Variants in ATP8A2 observed in about 807,000 individuals in gnomAD.
ATP8A2 encodes phospholipid-transporting ATPase IB.
Under a neutral mutation model 165.6 loss-of-function variants are expected in ATP8A2, and 100 were observed. The ratio of observed to expected loss-of-function variants is 0.60; its 90% confidence interval spans 0.51 to 0.71. ATP8A2 has a LOEUF of 0.71. Ranked by LOEUF, ATP8A2 falls within the 30% of genes least tolerant of loss-of-function variation. The probability of loss-of-function intolerance (pLI) is 0.00; values close to 1 mark genes in which losing one functional copy is unlikely to be tolerated. For synonymous variants in ATP8A2, 543 were observed against 548.8 expected (o/e 0.99, Z 0.15); for missense variants, 1,227 against 1,479.5 (o/e 0.83, Z 2.80).
intron 25 of ATP8A2, among the ~76,000 whole-genome samples, chr13:25,717,484 G>T (rs1055162917): frequency 2.0e-5 from 3 of 148,128 alleles, no homozygotes; most frequent in Non-Finnish European, 4.4e-5. Context: ...CAAAACCAAA[G>T]CTTAGGGGAG....
intron 2 of ATP8A2, among the ~76,000 whole-genome samples, chr13:25,500,445 G>A (rs903228814): frequency 6.6e-6 from 1 of 152,206 alleles, no homozygotes; most frequent in Non-Finnish European, 1.5e-5. Context: ...CAATGCATTA[G>A]TGTTACAGTG....
intron 33 of ATP8A2, among the ~76,000 whole-genome samples, chr13:25,943,398 G>T (rs781078991): frequency 6.6e-6 from 1 of 152,118 alleles, no homozygotes; most frequent in Non-Finnish European, 1.5e-5. Flanking sequence ...TGCCATATTT[G>T]TACTGTACCT....
At chr13:25,557,470 C>T (rs888682990) in intron 13 of ATP8A2, among the ~76,000 whole-genome samples, 2 of 152,090 alleles carry the variant, frequency 1.3e-5, no homozygotes, top group Non-Finnish European at 2.9e-5. Flanking sequence ...GCATATCAGG[C>T]TAAATTTGCC....
intron 33 of ATP8A2, among the ~76,000 whole-genome samples, chr13:25,905,839 G>A (rs12877320): frequency 0.15 from 23,549 of 152,220 alleles, 2,127 homozygotes; most frequent in Non-Finnish European, 0.22. Flanking sequence ...TCCTCGCCCT[G>A]AGGGCTATCA....
At chr13:25,536,753 C>T (rs935574884) in intron 6 of ATP8A2, among the ~76,000 whole-genome samples, 1 of 152,218 alleles carries the variant, frequency 6.6e-6, no homozygotes, top group African/African-American at 2.4e-5. Context: ...TAATGGTCTT[C>T]TGGTATCGTC....
intron 25 of ATP8A2, among the ~76,000 whole-genome samples, chr13:25,715,246 C>A (rs1411441122): frequency 1.3e-5 from 2 of 152,162 alleles, no homozygotes; most frequent in Non-Finnish European, 2.9e-5. Context: ...CTCATTGGAA[C>A]TTGGACTTGC....
intron 10 of ATP8A2, among the ~76,000 whole-genome samples, chr13:25,551,022 T>C (rs1174524843): frequency 2.0e-5 from 3 of 152,234 alleles, no homozygotes; most frequent in Non-Finnish European, 2.9e-5. Context: ...AACTGGACTA[T>C]ATTTAGAACC....
intron 1 of ATP8A2, among the ~76,000 whole-genome samples, chr13:25,428,787 C>T (rs2034523217): frequency 6.6e-6 from 1 of 152,202 alleles, no homozygotes; most frequent in African/African-American, 2.4e-5. Flanking sequence ...ACCCCAGGGT[C>T]TTTCCAATGT....
intron 33 of ATP8A2, among the ~76,000 whole-genome samples, chr13:25,945,384 C>T (rs960201040): frequency 1.3e-5 from 2 of 151,954 alleles, no homozygotes; most frequent in Non-Finnish European, 1.5e-5. Flanking sequence ...AAGGAAGGCA[C>T]GTTAATGGTG....
chr13:25,645,052 T>C (rs1243576510), intron 24 of ATP8A2, among the ~76,000 whole-genome samples: 4 of 152,206 alleles, frequency 2.6e-5, no homozygotes, highest in African/African-American at 9.6e-5. Flanking sequence ...CTTTATTTTA[T>C]TTATTTCTGC....
chr13:25,889,537 T>C (rs1953287334), intron 33 of ATP8A2, among the ~76,000 whole-genome samples: 1 of 152,032 alleles, frequency 6.6e-6, no homozygotes, highest in South Asian at 2.1e-4. Flanking sequence ...CATGATTATC[T>C]GAGGCTTGGT....
At chr13:25,788,793 A>G (rs573594716) in intron 27 of ATP8A2, among the ~76,000 whole-genome samples, 3 of 152,346 alleles carry the variant, frequency 2.0e-5, no homozygotes, top group South Asian at 2.1e-4. Flanking sequence ...TTGGTGCGCT[A>G]AGAATCAATT....
chr13:25,585,346 T>C (rs1180386866), intron 23 of ATP8A2, among the ~76,000 whole-genome samples: 1 of 152,232 alleles, frequency 6.6e-6, no homozygotes, highest in Non-Finnish European at 1.5e-5. Context: ...GAATAAAACG[T>C]CTATTAAATA....
intron 33 of ATP8A2, among the ~76,000 whole-genome samples, chr13:25,955,627 A>G (rs995051667): frequency 3.9e-5 from 6 of 152,236 alleles, no homozygotes; most frequent in Non-Finnish European, 8.8e-5. Flanking sequence ...AATTGAGGCA[A>G]TAGTTAATAG....
intron 24 of ATP8A2, among the ~76,000 whole-genome samples, chr13:25,602,684 A>G (rs1376123460): frequency 1.3e-5 from 2 of 152,214 alleles, no homozygotes; most frequent in Non-Finnish European, 2.9e-5. Context: ...GCATGAACTC[A>G]TCCTGTAGCA....
intron 4 of ATP8A2, among the ~76,000 whole-genome samples, chr13:25,531,280 GTTAT>G (rs2038056735): frequency 2.8e-5 from 1 of 36,134 alleles, no homozygotes; most frequent in African/African-American, 7.4e-5. Flanking sequence ...TGATATATAT[GTTAT>G]ATATGATATA....
intron 33 of ATP8A2, among the ~76,000 whole-genome samples, chr13:25,945,113 A>G (rs1955177716): frequency 6.6e-6 from 1 of 152,116 alleles, no homozygotes; most frequent in Non-Finnish European, 1.5e-5. Context: ...GGAGGAAGTG[A>G]GGGTTGGTTT....
chr13:25,887,774 T>C (rs1441547497), intron 33 of ATP8A2, among the ~76,000 whole-genome samples: 1 of 152,262 alleles, frequency 6.6e-6, no homozygotes, highest in Non-Finnish European at 1.5e-5. Context: ...CATTTAGCTT[T>C]TAATCACTTC....
intron 24 of ATP8A2, among the ~76,000 whole-genome samples, chr13:25,672,133 A>G (rs2042278595): frequency 6.6e-6 from 1 of 152,142 alleles, no homozygotes; most frequent in Non-Finnish European, 1.5e-5. Flanking sequence ...TCCATCTTGG[A>G]TGGGTATCAA....
Sources: gnomAD v4.1 joint callset for allele counts (sites outside exome capture counted in the v4.1 genomes callset) on GRCh38, gnomAD v4.1.1 for gene constraint, MANE v1.5 for transcripts, NCBI Gene and HGNC (gene_info 2026-07-23, HGNC 2026-07-21) for gene names.